NMT1: variants seen among roughly 807,000 people sequenced by gnomAD.
NMT1 encodes the protein N-myristoyltransferase 1, also known as glycylpeptide N-tetradecanoyltransferase 1.
NMT1 carries 12 observed loss-of-function variants against 63.4 expected under a neutral mutation model. That is an observed-to-expected ratio of 0.19 (90% CI 0.12 to 0.31). The LOEUF is 0.31. Among genes scored for constraint, NMT1 ranks in the 10% least tolerant of loss-of-function variants. The pLI is 1.00. For synonymous variants in NMT1, 228 were observed against 234.3 expected, an observed-to-expected ratio of 0.97 and a Z score of 0.25; for missense variants, 432 against 634.6, an observed-to-expected ratio of 0.68 and a Z score of 3.43.
intron 3 of NMT1, among the ~76,000 whole-genome samples, chr17:45,090,841 T>G (rs184112544): frequency 8.5e-5 from 13 of 152,234 alleles, no homozygotes; most frequent in African/African-American, 2.2e-4. Context: ...GAGAATCAGC[T>G]GCATTCTTGC....
In NMT1 at chr17:45,103,632, TGA is replaced by T. The variant is rs2054182591; in HGVS notation, c.1165-72_1165-71del. On this transcript the variant is annotated intron_variant, in intron 9 of 11. Transcript: ENST00000258960. The surrounding 1 kb of genome is among the most constrained non-coding windows in gnomAD (Gnocchi z 4.8). ...GGGGCAGAGCTGCCTGAAGGTGGAG[TGA>T]GAGAAACATTTTGTTCCCGGGCCGC... 7.0e-7 allele frequency: 1 copy of T among 1,422,222 alleles called. No homozygotes were observed. The highest frequency in any genetic ancestry group is 9.6e-7 in the Non-Finnish European group (1 of 1,037,792). The allele number at this position is 1,422,222 out of a possible 1,614,324, so 88.1% of individuals were successfully genotyped here.
chr17:45,093,624 T>C, intron 3 of NMT1, 61 bp from the exon 4 acceptor site: 1 of 1,406,718 alleles, frequency 7.1e-7, no homozygotes, highest in South Asian at 1.2e-5. Flanking sequence ...AGTTTTGAAC[T>C]GAGCCCTTTA....
At chr17:45,066,500 T>C (rs2053903632) in intron 1 of NMT1, among the ~76,000 whole-genome samples, 1 of 151,970 alleles carries the variant, frequency 6.6e-6, no homozygotes, top group Non-Finnish European at 1.5e-5. Flanking sequence ...ATGCCTGTAA[T>C]CTCAGCACTT....
chr17:45,061,517 G>C (rs2053857595), intron 1 of NMT1, 57 bp downstream of exon 1: 3 of 1,548,168 alleles, frequency 1.9e-6, no homozygotes, highest in African/African-American at 2.7e-5. Context: ...TGGGTCTCTG[G>C]GGTGCGGGGA....
chr17:45,073,165 G>A (rs539135852), intron 1 of NMT1, among the ~76,000 whole-genome samples: 9 of 152,072 alleles, frequency 5.9e-5, no homozygotes, highest in East Asian at 1.9e-4. Context: ...GCTCACACCC[G>A]TAATCCCAGC....
chr17:45,068,120 G>T (rs1405158902), intron 1 of NMT1, among the ~76,000 whole-genome samples: 1 of 152,132 alleles, frequency 6.6e-6, no homozygotes, highest in Admixed American at 6.6e-5. Context: ...CCTTGTGATT[G>T]TTACATTTAA....
chr17:45,098,586 C>T (rs772522385), intron 7 of NMT1, 34 bp downstream of exon 7: 15 of 1,599,966 alleles, frequency 9.4e-6, no homozygotes, highest in Admixed American at 5.0e-5. Flanking sequence ...CCCAAAAATG[C>T]GGGTGTCTGC....
At chr17:45,099,333 G>C in intron 7 of NMT1, 72 bp from the exon 8 acceptor site, 1 of 1,043,286 alleles carries the variant, frequency 9.6e-7, no homozygotes, top group African/African-American at 1.5e-5. Flanking sequence ...GGCCAGCTGG[G>C]GTCTCCCTGC....
In NMT1 at chr17:45,104,144, T is replaced by G; in HGVS notation, c.1332+268T>G. ...AGGAGGCGCCACCAAGGAGCCTGAA[T>G]AGCCAGGCCTTCCCTGGGAGGACAG... On this transcript the variant is annotated intron_variant, in intron 10 of 11. Coordinates refer to ENST00000258960, the MANE Select transcript of NMT1 (RefSeq NM_021079.5). The surrounding 1 kb of genome is among the most constrained non-coding windows in gnomAD (Gnocchi z 4.2). 1.5e-6 allele frequency: 2 copies of G among 1,346,512 alleles called. No individual in the cohort carries two copies. Among genetic ancestry groups the G allele is most frequent in the Non-Finnish European group, 1.9e-6 (2 of 1,041,428 alleles). 83.4% of individuals were successfully genotyped at this position (1,346,512 alleles called of 1,614,324 possible).
At chr17:45,077,670 G>A (rs769773088) in intron 1 of NMT1, among the ~76,000 whole-genome samples, 6 of 152,124 alleles carry the variant, frequency 3.9e-5, no homozygotes, top group Non-Finnish European at 7.3e-5. Context: ...GATTACAGGC[G>A]TGAGCCACCG....
In NMT1 at chr17:45,079,591, C is replaced by T. The variant is rs534833657; in HGVS notation, c.132-2053C>T. 3.3e-5 allele frequency among the ~76,000 whole-genome samples: 5 copies of T among 152,322 alleles called. No homozygotes were observed. In the South Asian group the frequency reaches 1.0e-3, roughly 32 times the overall value. Reference sequence around the variant, plus strand: ...ATTAATGAGGCTAAGAAACTTTTTGCTTCATTCATGGGGTGTGTCATGTAG... The same window carrying T: ...ATTAATGAGGCTAAGAAACTTTTTGTTTCATTCATGGGGTGTGTCATGTAG... On this transcript the variant is annotated intron_variant, in intron 1 of 11. Coordinates refer to ENST00000258960, the MANE Select transcript of NMT1 (RefSeq NM_021079.5).
intron 1 of NMT1, among the ~76,000 whole-genome samples, chr17:45,080,890 C>T (rs1040544419): frequency 1.8e-4 from 28 of 152,178 alleles, no homozygotes; most frequent in Non-Finnish European, 4.0e-4. Context: ...CCTCGTCCTC[C>T]TGAGTAGCTG....
At chr17:45,075,513 G>C (rs1203917432) in intron 1 of NMT1, among the ~76,000 whole-genome samples, 1 of 151,136 alleles carries the variant, frequency 6.6e-6, no homozygotes, top group Non-Finnish European at 1.5e-5. Flanking sequence ...TGGGCGTGGT[G>C]GCTCACGCCT....
intron 2 of NMT1, among the ~76,000 whole-genome samples, chr17:45,083,160 C>CA (rs1045928365): frequency 2.3e-4 from 34 of 148,308 alleles, no homozygotes; most frequent in African/African-American, 6.0e-4. Flanking sequence ...ACTGAAGATA[C>CA]AAAAAAAAAT....
chr17:45,079,980 G>A (rs1178419933), intron 1 of NMT1, among the ~76,000 whole-genome samples: 1 of 152,160 alleles, frequency 6.6e-6, no homozygotes, highest in African/African-American at 2.4e-5. Context: ...TTACAGGCGT[G>A]AGCCACTGCG....
chr17:45,077,641 T>A (rs1321679331), intron 1 of NMT1, among the ~76,000 whole-genome samples: 1 of 152,164 alleles, frequency 6.6e-6, no homozygotes. Context: ...CCGCCTGCCT[T>A]GGCCTCCCAA....
intron 1 of NMT1, among the ~76,000 whole-genome samples, chr17:45,079,351 C>A (rs8067053): frequency 3.9e-5 from 6 of 151,940 alleles, no homozygotes; most frequent in Non-Finnish European, 5.9e-5. Context: ...ATCTGTCTGC[C>A]GCGGCTTCCC....
At chr17:45,069,139 T>G (rs1268161150) in intron 1 of NMT1, among the ~76,000 whole-genome samples, 1 of 150,842 alleles carries the variant, frequency 6.6e-6, no homozygotes, top group Non-Finnish European at 1.5e-5. Flanking sequence ...TTTTGTAGTT[T>G]TAGTAGAGAC....
intron 2 of NMT1, among the ~76,000 whole-genome samples, chr17:45,085,184 T>G (rs1351513071): frequency 6.6e-6 from 1 of 152,162 alleles, no homozygotes; most frequent in Non-Finnish European, 1.5e-5. Flanking sequence ...GCCCATGAGG[T>G]TGAAGCCGCA....
Sources: allele counts gnomAD v4.1 joint callset (sites outside exome capture counted in the v4.1 genomes callset), GRCh38; gene constraint gnomAD v4.1.1; non-coding constraint Gnocchi (gnomAD v3.1); transcripts MANE v1.5; gene names NCBI Gene and HGNC (gene_info 2026-07-23, HGNC 2026-07-21).